Variants in HOOK3 observed in about 807,000 individuals in gnomAD.
HOOK3 encodes the protein protein Hook homolog 3.
Under a neutral mutation model 116.3 loss-of-function variants are expected in HOOK3, and 24 were observed. That is an observed-to-expected ratio of 0.21 (90% CI 0.15 to 0.29). HOOK3 has a LOEUF of 0.29. HOOK3 is among the 10% of genes least tolerant of loss of function. The pLI, the probability that HOOK3 is intolerant of heterozygous loss-of-function variation, is 1.00. For missense variants in HOOK3, 632 were observed against 830.2 expected (o/e 0.76, Z 2.93); for synonymous variants, 275 against 283.0 (o/e 0.97, Z 0.28).
At chr8:42,940,209 C>T (rs1013940324) in intron 4 of HOOK3, among the ~76,000 whole-genome samples, 1 of 152,222 alleles carries the variant, frequency 6.6e-6, no homozygotes, top group South Asian at 2.1e-4. Context: ...ACTGAGTGAA[C>T]GAGACTCCGT....
chr8:42,928,226 C>G (rs1807806226), intron 3 of HOOK3, among the ~76,000 whole-genome samples: 1 of 152,036 alleles, frequency 6.6e-6, no homozygotes, highest in African/African-American at 2.4e-5. Context: ...TTGCAGTGAG[C>G]CAAGATGGCG....
chr8:42,970,526 G>T (rs1693457251), intron 11 of HOOK3, among the ~76,000 whole-genome samples: 1 of 152,078 alleles, frequency 6.6e-6, no homozygotes, highest in Admixed American at 6.5e-5. Context: ...ATGTCTTTGG[G>T]TTAAGTTTAT....
chr8:42,968,777 A>G (rs777282989), intron 11 of HOOK3, among the ~76,000 whole-genome samples: 3 of 152,222 alleles, frequency 2.0e-5, no homozygotes, highest in African/African-American at 4.8e-5. Context: ...ATGTAAAAGC[A>G]TAGTTCAGTA....
intron 17 of HOOK3, among the ~76,000 whole-genome samples, chr8:43,007,159 A>T (rs1047003637): frequency 1.3e-5 from 2 of 151,400 alleles, no homozygotes; most frequent in Admixed American, 1.3e-4. Flanking sequence ...CTGGGATTAC[A>T]AGCACCCACC....
chr8:42,996,438 G>C (rs1809270732), intron 15 of HOOK3, among the ~76,000 whole-genome samples: 1 of 151,926 alleles, frequency 6.6e-6, no homozygotes, highest in Admixed American at 6.6e-5. Flanking sequence ...TCAAGCCGTG[G>C]AATCAGCGTT....
At position 43,018,607 on chromosome 8, in the gene HOOK3, TCAATAC is replaced by T. The variant is rs1809765721; in HGVS notation, c.*110_*115del. 9.1e-7 allele frequency: 1 copy of T among 1,103,900 alleles called. No homozygotes were observed. The highest frequency in any genetic ancestry group is 1.6e-5 in the African/African-American group (1 of 63,488). The allele number at this position is 1,103,900 out of a possible 1,614,324, so 68.4% of individuals were successfully genotyped here. A position where few individuals can be genotyped will look rare whatever the true frequency, so the allele number is the denominator to read the frequency against. ...GCTTATTTTTTGTTTCTCTTCTATG[TCAATAC>T]TTAGTGTTTCTCATTTTGAGGACTT... On this transcript the variant is annotated 3_prime_UTR_variant, in exon 22 of 22. Transcript: ENST00000307602.
chr8:42,921,916 A>C (rs1025142642), intron 2 of HOOK3, among the ~76,000 whole-genome samples: 1 of 152,222 alleles, frequency 6.6e-6, no homozygotes, highest in Non-Finnish European at 1.5e-5. Flanking sequence ...AGGCCCAGCT[A>C]TCTTAAGTAC....
intron 3 of HOOK3, among the ~76,000 whole-genome samples, chr8:42,926,096 T>C (rs1224739024): frequency 1.3e-5 from 2 of 152,192 alleles, no homozygotes; most frequent in Admixed American, 1.3e-4. Flanking sequence ...TAGTAACCTT[T>C]AAGTATTTTA....
At chr8:42,932,690 A>G (rs1807896119) in intron 4 of HOOK3, among the ~76,000 whole-genome samples, 1 of 152,140 alleles carries the variant, frequency 6.6e-6, no homozygotes, top group South Asian at 2.1e-4. Flanking sequence ...GTCTCTGAAA[A>G]TGGTGTGGTG....
At position 42,931,150 on chromosome 8, in the gene HOOK3, C is replaced by A. The variant is rs1007942612; in HGVS notation, c.267+978C>A. 9.1e-4 allele frequency among the ~76,000 whole-genome samples: 138 copies of A among 152,316 alleles called. 1 individual carries two copies. The highest frequency in any genetic ancestry group is 3.2e-3 in the African/African-American group (132 of 41,560). On this transcript the variant is annotated intron_variant, in intron 4 of 21. Transcript: ENST00000307602. Reference sequence around the variant, plus strand: ...CTGAAATCTGCTAAGTCCTTTTCTTCCGTAGCCTTTGCCCCACTGCTGTTG... The same window carrying A: ...CTGAAATCTGCTAAGTCCTTTTCTTACGTAGCCTTTGCCCCACTGCTGTTG...
At chr8:42,925,364 G>A (rs143788203) in intron 2 of HOOK3, among the ~76,000 whole-genome samples, 193 bp from the exon 3 acceptor site, 1 of 152,156 alleles carries the variant, frequency 6.6e-6, no homozygotes, top group Admixed American at 6.5e-5. Flanking sequence ...CTCCCAAAGT[G>A]CTGGGATTAC....
chr8:43,014,285 GAAAAA>G (rs1195987584), intron 21 of HOOK3, among the ~76,000 whole-genome samples: 3 of 66,696 alleles, frequency 4.5e-5, no homozygotes, highest in Non-Finnish European at 3.3e-5. Context: ...GACTGTCTCA[GAAAAA>G]AAAAAAAAAA....
chr8:42,956,234 G>A (rs1366685866), intron 6 of HOOK3, among the ~76,000 whole-genome samples: 1 of 150,586 alleles, frequency 6.6e-6, no homozygotes, highest in Non-Finnish European at 1.5e-5. Flanking sequence ...GTGTGTGTGT[G>A]TGTGTGTGTG....
At chr8:42,975,746 C>T (rs1808810563) in intron 13 of HOOK3, among the ~76,000 whole-genome samples, 1 of 152,224 alleles carries the variant, frequency 6.6e-6, no homozygotes. Context: ...CGCTCTGTCA[C>T]CCAGGCTGGA....
chr8:43,009,998 T>G (rs1021880061), intron 18 of HOOK3, among the ~76,000 whole-genome samples: 5 of 151,896 alleles, frequency 3.3e-5, no homozygotes, highest in African/African-American at 1.2e-4. Flanking sequence ...CTGAATAATA[T>G]TATATCTATG....
chr8:42,976,426 C>G (rs1268045428), intron 13 of HOOK3, among the ~76,000 whole-genome samples: 1 of 152,174 alleles, frequency 6.6e-6, no homozygotes, highest in East Asian at 1.9e-4. Context: ...AGAAGGATGA[C>G]TTGAGCCTGG....
In HOOK3 at chr8:42,991,711, C is replaced by T. The variant is rs569364800; in HGVS notation, c.1532+4916C>T. Among the ~76,000 whole-genome samples, 14 of 152,118 alleles carry T rather than the reference C, an allele frequency of 9.2e-5. No individual in the cohort carries two copies. In the South Asian group the frequency reaches 2.5e-3, roughly 27 times the overall value. On this transcript the variant is annotated intron_variant, in intron 15 of 21. Transcript: ENST00000307602. ...GCCACTGCGTCTGGCCAACAATATG[C>T]CAACACATGGCACTTGGACATACTG... is the stretch of plus-strand genomic sequence containing the variant.
intron 18 of HOOK3, among the ~76,000 whole-genome samples, chr8:43,008,894 C>T (rs1051946803): frequency 3.3e-5 from 5 of 151,012 alleles, no homozygotes; most frequent in Admixed American, 6.6e-5. Context: ...CTCCTGACCT[C>T]GTGATCCGCC....
intron 2 of HOOK3, among the ~76,000 whole-genome samples, chr8:42,914,456 C>G (rs1265232550): frequency 6.6e-6 from 1 of 152,044 alleles, no homozygotes; most frequent in African/African-American, 2.4e-5. Flanking sequence ...TTCTATTTAC[C>G]ACTATTTAAT....
Sources: gnomAD v4.1 joint callset for allele counts (sites outside exome capture counted in the v4.1 genomes callset) on GRCh38, gnomAD v4.1.1 for gene constraint, MANE v1.5 for transcripts, NCBI Gene and HGNC (gene_info 2026-07-23, HGNC 2026-07-21) for gene names.